UBAP2L: variants seen among roughly 807,000 people sequenced by gnomAD.
UBAP2L encodes the protein ubiquitin-associated protein 2-like.
A neutral mutation model predicts 130.6 loss-of-function variants in UBAP2L; 12 were observed. That is an observed-to-expected ratio of 0.09 (90% CI 0.06 to 0.15). The LOEUF (loss-of-function observed/expected upper bound fraction) is 0.15. Among genes scored for constraint, UBAP2L ranks in the 10% least tolerant of loss-of-function variants. The pLI is 1.00. For missense variants in UBAP2L, 965 were observed against 1,332.5 expected, an observed-to-expected ratio of 0.72 and a Z score of 4.29; for synonymous variants, 503 against 524.7, an observed-to-expected ratio of 0.96 and a Z score of 0.57.
At chr1:154,227,394 A>G (rs1668309918) in intron 3 of UBAP2L, 35 bp downstream of exon 3, 15 of 1,559,974 alleles carry the variant, frequency 9.6e-6, no homozygotes, top group Non-Finnish European at 1.3e-5. Context: ...ACACTATGAG[A>G]AAAGATACCA....
intron 24 of UBAP2L, among the ~76,000 whole-genome samples, chr1:154,264,934 G>C (rs1208485425): frequency 6.6e-6 from 1 of 152,114 alleles, no homozygotes; most frequent in Non-Finnish European, 1.5e-5. Flanking sequence ...GTTACTCAGT[G>C]ATTTGCCAGA....
intron 3 of UBAP2L, among the ~76,000 whole-genome samples, chr1:154,228,340 A>G (rs368285888): frequency 6.6e-6 from 1 of 152,058 alleles, no homozygotes; most frequent in African/African-American, 2.4e-5. Flanking sequence ...GGCGCCCGCC[A>G]CCACACCCAG....
chr1:154,220,733 T>A, upstream of UBAP2L: 4 of 344,352 alleles, frequency 1.2e-5, no homozygotes, highest in East Asian at 6.0e-5. Context: ...AGGGCCGCCG[T>A]GAAGGAGGCG....
chr1:154,255,426 C>T, intron 17 of UBAP2L, 100 bp downstream of exon 17: 3 of 1,452,520 alleles, frequency 2.1e-6, no homozygotes, highest in South Asian at 1.3e-5. Flanking sequence ...CACATTAGCC[C>T]TGCTTTTGTC....
intron 6 of UBAP2L, 111 bp from the exon 7 acceptor site, chr1:154,236,455 C>T: frequency 8.6e-7 from 1 of 1,167,430 alleles, no homozygotes; most frequent in African/African-American, 1.5e-5. Context: ...CGCCCTCAGC[C>T]TTTCAAAGTG....
chr1:154,249,462 A>G, intron 12 of UBAP2L, 25 bp downstream of exon 12: 1 of 1,613,608 alleles, frequency 6.2e-7, no homozygotes, highest in Non-Finnish European at 8.5e-7. Flanking sequence ...AGTGACTTGA[A>G]TCTTTAAAGC....
In UBAP2L at chr1:154,251,423, T is replaced by A. The variant is rs1187095338; in HGVS notation, c.1492-58T>A. The A allele has an allele frequency of 2.5e-6, 4 of 1,577,946 alleles. No homozygotes were observed. In the Admixed American group the frequency reaches 5.8e-5, roughly 23 times the overall value. ...GAAATTTAAAGGGAAGGGTTTTTTT[T>A]AGTCTTTAGTAAGGTTGTATTAAAG... is the stretch of plus-strand genomic sequence containing the variant. On this transcript the variant is annotated intron_variant, in intron 13 of 26. Coordinates refer to ENST00000428931, the MANE Select transcript of UBAP2L (RefSeq NM_014847.4).
At chr1:154,234,878 G>C in intron 5 of UBAP2L, 119 bp downstream of exon 5, 2 of 1,403,862 alleles carry the variant, frequency 1.4e-6, no homozygotes, top group Non-Finnish European at 1.9e-6. Context: ...TGCTTTTCTT[G>C]CCGTCGTCTG....
At chr1:154,269,454 T>G in intron 26 of UBAP2L, 2 of 1,298,022 alleles carry the variant, frequency 1.5e-6, no homozygotes, top group Non-Finnish European at 2.0e-6. Context: ...CCACTCCTTT[T>G]CAGTCCCCAT....
upstream of UBAP2L, chr1:154,220,486 G>C (rs1203077645): frequency 1.9e-6 from 3 of 1,539,436 alleles, no homozygotes; most frequent in Non-Finnish European, 2.7e-6. Context: ...CCGAAGCGAC[G>C]GCGCCTGGGT....
chr1:154,230,058 C>T (rs1669317133), intron 4 of UBAP2L, among the ~76,000 whole-genome samples: 1 of 151,984 alleles, frequency 6.6e-6, no homozygotes, highest in African/African-American at 2.4e-5. Context: ...CTCTGTCTCC[C>T]AGGCCGGAGT....
At position 154,270,716 on chromosome 1, in the gene UBAP2L, G is replaced by A. The variant is rs376368657; in HGVS notation, c.*421G>A. ...CAACAACAACAAACAAAAAAATGGC[G>A]TCATGAATATGAACAGCATTGTCAG... On this transcript the variant is annotated 3_prime_UTR_variant, in exon 27 of 27. Transcript: ENST00000428931. 1.1e-5 allele frequency: 15 copies of A among 1,399,326 alleles called. No homozygotes were observed. The highest frequency in any genetic ancestry group is 2.3e-4 in the Middle Eastern group (1 of 4,444). The allele number at this position is 1,399,326 out of a possible 1,614,324, so 86.7% of individuals were successfully genotyped here.
intron 12 of UBAP2L, among the ~76,000 whole-genome samples, 186 bp from the exon 13 acceptor site, chr1:154,250,847 CAAAAAAAA>C (rs1023678670): frequency 1.0e-4 from 5 of 48,966 alleles, no homozygotes; most frequent in African/African-American, 3.5e-4. Context: ...ACTCCCATCT[CAAAAAAAA>C]AAAAAAAAAA....
At chr1:154,239,698 A>C (rs998331584) in intron 8 of UBAP2L, among the ~76,000 whole-genome samples, 1 of 152,170 alleles carries the variant, frequency 6.6e-6, no homozygotes, top group Non-Finnish European at 1.5e-5. Context: ...GCAGAAAAAA[A>C]TTCTTGCATC....
upstream of UBAP2L, chr1:154,220,221 G>A: frequency 1.6e-6 from 2 of 1,216,694 alleles, no homozygotes; most frequent in Non-Finnish European, 2.4e-6. Context: ...CTGGAATAAG[G>A]AGTCAAAGCC....
intron 21 of UBAP2L, chr1:154,259,700 C>T: frequency 1.6e-6 from 1 of 615,898 alleles, no homozygotes; most frequent in Non-Finnish European, 2.9e-6. Context: ...AATATTGGTC[C>T]TCGTGGACTT....
chr1:154,251,757 G>A, intron 14 of UBAP2L, 104 bp downstream of exon 14: 3 of 1,316,490 alleles, frequency 2.3e-6, no homozygotes, highest in Non-Finnish European at 3.1e-6. Context: ...CCTCTGCATG[G>A]CTGAGGGGGA....
chr1:154,220,738 G>A (rs1021996872), upstream of UBAP2L: 2 of 334,946 alleles, frequency 6.0e-6, no homozygotes, highest in East Asian at 6.2e-5. Context: ...CGCCGTGAAG[G>A]AGGCGGGGTG....
chr1:154,229,180 G>A (rs979369971), intron 4 of UBAP2L, among the ~76,000 whole-genome samples: 5 of 151,340 alleles, frequency 3.3e-5, no homozygotes, highest in Admixed American at 6.6e-5. Context: ...TATCAGCTTC[G>A]CATTGCACAC....
Sources: gnomAD v4.1 joint callset for allele counts (sites outside exome capture counted in the v4.1 genomes callset) on GRCh38, gnomAD v4.1.1 for gene constraint, MANE v1.5 for transcripts, NCBI Gene and HGNC (gene_info 2026-07-23, HGNC 2026-07-21) for gene names.